Variants in CARS1 observed in about 807,000 individuals in gnomAD.
CARS1 encodes cysteine--tRNA ligase, cytoplasmic.
CARS1 carries 48 observed loss-of-function variants against 106.2 expected under a neutral mutation model. That is an observed-to-expected ratio of 0.45 (90% CI 0.36 to 0.57). The LOEUF is 0.57. CARS1 is among the 20% of genes least tolerant of loss of function. The probability of loss-of-function intolerance (pLI) is 0.00; values close to 1 mark genes in which losing one functional copy is unlikely to be tolerated. For missense variants in CARS1, 968 were observed against 1,057.2 expected, an observed-to-expected ratio of 0.92 and a Z score of 1.17; for synonymous variants, 409 against 403.4, an observed-to-expected ratio of 1.01 and a Z score of -0.17.
rs1301206544 is a variant in CARS1, at chr11:3,019,819, T to G, written c.1266+401A>C. Among the ~76,000 whole-genome samples the G allele has an allele frequency of 1.3e-5, 2 of 152,174 alleles. No homozygotes were observed. Among genetic ancestry groups the G allele is most frequent in the African/African-American group, 2.4e-5 (1 of 41,440 alleles). On this transcript the variant is annotated intron_variant, in intron 11 of 22. Transcript: ENST00000380525. The surrounding 1 kb of genome is among the most constrained non-coding windows in gnomAD (Gnocchi z 6.2). The stretch of plus-strand genomic sequence containing the variant: ...GAATTACATCCAGACCTCTGAGCCC[T>G]TGACAGCTGCAGATGGTCACGCCCC...
Position 3,019,213 on chromosome 11 carries a change from C to T in CARS1, c.1321G>A (p.Ala441Thr), listed in dbSNP as rs1372444615. 5 of 1,511,804 alleles carry T rather than the reference C, an allele frequency of 3.3e-6. No homozygotes were observed. The South Asian group carries it at 6.6e-5, about 20-fold the overall frequency. 93.6% of individuals were successfully genotyped at this position (1,511,804 alleles called of 1,614,324 possible). Residue 441 changes from alanine to threonine, a missense_variant, in exon 12 of 23, where the codon GCT becomes ACT. Coordinates refer to ENST00000380525, the MANE Select transcript of CARS1 (RefSeq NM_001014437.3). The surrounding 1 kb of genome is among the most constrained non-coding windows in gnomAD (Gnocchi z 6.2). ...CSAMAGTLLG[A>T]SMDIHGGGFD... ...CCACCTCCGTGAATGTCCATCGAAGCCCCTAGGAGGGTGCCTGCCATGGCC... is the reference window on the plus strand; with the variant it reads ...CCACCTCCGTGAATGTCCATCGAAGTCCCTAGGAGGGTGCCTGCCATGGCC...
At chr11:3,014,637 AAAG>A (rs5789294) in intron 17 of CARS1, among the ~76,000 whole-genome samples, 70,416 of 151,972 alleles carry the variant, frequency 0.46, 17,500 homozygotes, top group African/African-American at 0.65. Context: ...GCAAGAGAAC[AAAG>A]AAGCTATGTG....
rs1036468048 is a variant in CARS1, at chr11:3,041,422, A to T, written c.367-438T>A. ...GGATGAAGAAACTGAGGCAGACAAC[A>T]CTTGGCCAGGGTCAGTCCCTGTTGG... On this transcript the variant is annotated intron_variant, in intron 3 of 22. Transcript: ENST00000380525. The surrounding 1 kb of genome is among the most constrained non-coding windows in gnomAD (Gnocchi z 4.9). Among the ~76,000 whole-genome samples, 1 of 152,116 alleles carries T rather than the reference A, an allele frequency of 6.6e-6. No individual in the cohort carries two copies. The highest frequency in any genetic ancestry group is 1.5e-5 in the Non-Finnish European group (1 of 68,008).
intron 10 of CARS1, among the ~76,000 whole-genome samples, chr11:3,023,104 A>G (rs558153893): frequency 1.3e-5 from 2 of 152,174 alleles, no homozygotes; most frequent in Non-Finnish European, 2.9e-5. Flanking sequence ...GCCCAAGAAT[A>G]AATGGTATTT....
intron 2 of CARS1, among the ~76,000 whole-genome samples, chr11:3,047,477 G>A (rs1024840664): frequency 1.3e-5 from 2 of 152,114 alleles, no homozygotes; most frequent in African/African-American, 4.8e-5. Context: ...CCCCAGAGCC[G>A]CAGCGGCTCT....
intron 1 of CARS1, among the ~76,000 whole-genome samples, chr11:3,056,571 T>C (rs1401107468): frequency 6.6e-6 from 1 of 152,156 alleles, no homozygotes; most frequent in Non-Finnish European, 1.5e-5. Flanking sequence ...CAGCTTGCAG[T>C]GGACTGCCTG....
At position 3,029,546 on chromosome 11, in the gene CARS1, C is replaced by CTG; in HGVS notation, c.802-105_802-104dup. On this transcript the variant is annotated intron_variant, in intron 7 of 22. Coordinates refer to ENST00000380525, the MANE Select transcript of CARS1 (RefSeq NM_001014437.3). This position sits in a 1 kb window ranked among gnomAD's most constrained non-coding sequence, Gnocchi z 5.9. ...CATCAGTGCCCTGAATTCAAAGGTG[C>CTG]TGACCTTGACCTGTGAAGAGCCACC... The CTG allele has an allele frequency of 7.6e-7, 1 of 1,322,970 alleles. No homozygotes were observed. The highest frequency in any genetic ancestry group is 1.0e-6 in the Non-Finnish European group (1 of 958,590). The allele number at this position is 1,322,970 out of a possible 1,614,324, so 82.0% of individuals were successfully genotyped here. A position where few individuals can be genotyped will look rare whatever the true frequency, so the allele number is the denominator to read the frequency against.
chr11:3,019,179 A>G lies in CARS1; in HGVS notation c.1355T>C (p.Leu452Pro). ...SMDIHGGGFD[L>P]RFPHHDNELA... is the part of the protein sequence containing the mutation. ...CTCATTGTCATGGTGGGGGAACCGGAGGTCGAACCCACCTCCGTGAATGTC... is the reference window on the plus strand; with the variant it reads ...CTCATTGTCATGGTGGGGGAACCGGGGGTCGAACCCACCTCCGTGAATGTC... Residue 452 changes from leucine to proline, a missense_variant, in exon 12 of 23, where the codon CTC (leucine) becomes CCC (proline). By Grantham distance (98) the Leu-to-Pro change is moderately conservative. Coordinates refer to ENST00000380525, the MANE Select transcript of CARS1 (RefSeq NM_001014437.3). The surrounding 1 kb of genome is among the most constrained non-coding windows in gnomAD (Gnocchi z 6.2). The G allele has an allele frequency of 6.5e-7, 1 of 1,528,296 alleles. No homozygotes were observed. The highest frequency in any genetic ancestry group is 1.3e-5 in the South Asian group (1 of 77,124). The allele number at this position is 1,528,296 out of a possible 1,614,324, so 94.7% of individuals were successfully genotyped here. A position where few individuals can be genotyped will look rare whatever the true frequency, so the allele number is the denominator to read the frequency against.
rs888798811 is a variant in CARS1 at position 3,021,083 on chromosome 11, G to GTGACACTCAGCCACC, written c.1154-766_1154-752dup. On this transcript the variant is annotated intron_variant, in intron 10 of 22. Transcript: ENST00000380525. The surrounding 1 kb of genome is among the most constrained non-coding windows in gnomAD (Gnocchi z 5.3). ...TTGGTGAATTCCATGCATTGACTCG[G>GTGACACTCAGCCACC]TGACACTCAGCCACCTGACACTCAG... is the stretch of plus-strand genomic sequence containing the variant. Among the ~76,000 whole-genome samples the GTGACACTCAGCCACC allele has an allele frequency of 2.0e-5, 3 of 152,172 alleles. No homozygotes were observed. The highest frequency in any genetic ancestry group is 7.2e-5 in the African/African-American group (3 of 41,424).
chr11:3,005,933 T>C (rs1021717987), intron 19 of CARS1, among the ~76,000 whole-genome samples: 1 of 151,848 alleles, frequency 6.6e-6, no homozygotes, highest in Non-Finnish European at 1.5e-5. Context: ...AACGAGAAGG[T>C]AGGAAGGTCT....
At chr11:3,055,111 G>A (rs1022149137) in intron 1 of CARS1, 13 of 602,994 alleles carry the variant, frequency 2.2e-5, no homozygotes, top group Non-Finnish European at 3.5e-5. Context: ...GTACAAAAAT[G>A]ATGGCCTCCT....
rs751900375 is a variant in CARS1, at chr11:3,038,171, G to A, written c.680C>T (p.Thr227Met). The A allele has an allele frequency of 2.8e-5, 45 of 1,613,904 alleles. No homozygotes were observed. Among genetic ancestry groups the A allele is most frequent in the Middle Eastern group, 1.6e-4 (1 of 6,084 alleles). Reference protein sequence around the residue: ...KPFSVKLNETTDPDKKQMLER... With the variant: ...KPFSVKLNETMDPDKKQMLER... ...GAGCATCTGCTTTTTATCGGGATCC[G>A]TGGTCTCATTTAATTTTACTGAAAA... The change falls in exon 7 of 23, where the codon ACG becomes ATG. Residue 227 changes from threonine to methionine, a missense_variant. Coordinates refer to ENST00000380525, the MANE Select transcript of CARS1 (RefSeq NM_001014437.3). The surrounding 1 kb of genome is among the most constrained non-coding windows in gnomAD (Gnocchi z 4.0).
intron 17 of CARS1, among the ~76,000 whole-genome samples, chr11:3,014,429 A>C (rs1850788586): frequency 6.6e-6 from 1 of 152,196 alleles, no homozygotes; most frequent in African/African-American, 2.4e-5. Context: ...GCTTCTTCGC[A>C]ATCAGCTGAC....
chr11:3,057,224 C>T (rs1430607156), intron 1 of CARS1, 119 bp downstream of exon 1: 4 of 886,458 alleles, frequency 4.5e-6, no homozygotes, highest in South Asian at 4.4e-5. Context: ...CACAGCTGCC[C>T]CTCAGAACCC....
In CARS1 at chr11:3,040,616, GA is replaced by G; in HGVS notation, c.455+279del. On this transcript the variant is annotated intron_variant, in intron 4 of 22. Transcript: ENST00000380525. The surrounding 1 kb of genome is among the most constrained non-coding windows in gnomAD (Gnocchi z 5.8). Reference sequence around the variant, plus strand: ...TGAGAGAAAACTTTAAGGTATGTGAGAAAAAGTGCCCAGGTCGAGTCCAGCA... The same window carrying G: ...TGAGAGAAAACTTTAAGGTATGTGAGAAAAGTGCCCAGGTCGAGTCCAGCA... The G allele has an allele frequency of 4.9e-6, 3 of 614,126 alleles. No individual in the cohort carries two copies. Among genetic ancestry groups the G allele is most frequent in the East Asian group, 6.8e-5 (2 of 29,240 alleles). The allele number at this position is 614,126 out of a possible 1,614,324, so 38.0% of individuals were successfully genotyped here.
chr11:3,026,884 C>T, intron 9 of CARS1, 87 bp from the exon 10 acceptor site: 1 of 1,481,282 alleles, frequency 6.8e-7, no homozygotes, highest in African/African-American at 1.4e-5. Flanking sequence ...TAAAGCAGGG[C>T]TATAAAAGTG....
rs1215763989 is a variant in CARS1, at chr11:3,003,193, C to G, written c.2218-593G>C. ...AGGCTGGGTGCCGGTGAGGGAAGCC[C>G]TCGGTTGCTTTGGGAGGTTCTGGCC... On this transcript the variant is annotated intron_variant, in intron 20 of 22. Transcript: ENST00000380525. The surrounding 1 kb of genome is among the most constrained non-coding windows in gnomAD (Gnocchi z 4.8). Among the ~76,000 whole-genome samples the G allele has an allele frequency of 7.3e-6, 1 of 137,402 alleles. No homozygotes were observed. The highest frequency in any genetic ancestry group is 1.6e-5 in the Non-Finnish European group (1 of 62,056). 90.1% of individuals were successfully genotyped at this position (137,402 alleles called of 152,430 possible). A position where few individuals can be genotyped will look rare whatever the true frequency, so the allele number is the denominator to read the frequency against.
In CARS1 at chr11:3,017,299, A is replaced by G. The variant is rs773866813; in HGVS notation, c.1728-4T>C. 2.3e-5 allele frequency: 37 copies of G among 1,610,104 alleles called. 1 individual carries two copies. The South Asian group carries it at 3.7e-4, about 16-fold the overall frequency. On this transcript the variant is annotated splice_polypyrimidine_tract_variant and splice_region_variant and intron_variant, in intron 15 of 22. Transcript: ENST00000380525. This position sits in a 1 kb window ranked among gnomAD's most constrained non-coding sequence, Gnocchi z 4.9. ...TGCTGTCTTCTTGTCATAAAAGCTG[A>G]GCAACAAAGAGGAAGGAATGTGAAG...
intron 9 of CARS1, 34 bp from the exon 10 acceptor site, chr11:3,026,831 C>A: frequency 6.3e-7 from 1 of 1,592,992 alleles, no homozygotes; most frequent in South Asian, 1.1e-5. Flanking sequence ...GTGGGTGCAT[C>A]TAACAGACCC....
Sources: allele counts gnomAD v4.1 joint callset (sites outside exome capture counted in the v4.1 genomes callset), GRCh38; gene constraint gnomAD v4.1.1; non-coding constraint Gnocchi (gnomAD v3.1); transcripts MANE v1.5; gene names NCBI Gene and HGNC (gene_info 2026-07-23, HGNC 2026-07-21).